Variants in FDX1 observed in about 807,000 individuals in gnomAD.
FDX1 encodes the protein ferredoxin 1.
A neutral mutation model predicts 14.9 loss-of-function variants in FDX1; 9 were observed. That is an observed-to-expected ratio of 0.60 (90% CI 0.36 to 1.05). The LOEUF is 1.05. FDX1 is among the 50% of genes least tolerant of loss of function. FDX1 has a pLI of 0.01. For synonymous variants in FDX1, 92 were observed against 99.4 expected (o/e 0.93, Z 0.44); for missense variants, 204 against 237.2 (o/e 0.86, Z 0.92).
At chr11:110,445,977 C>A (rs1946447518) in intron 2 of FDX1, among the ~76,000 whole-genome samples, 1 of 151,960 alleles carries the variant, frequency 6.6e-6, no homozygotes, top group Non-Finnish European at 1.5e-5. Flanking sequence ...TTTCCGAATA[C>A]CCAAGAAATA....
chr11:110,437,868 A>G (rs1946380953), intron 2 of FDX1, among the ~76,000 whole-genome samples: 3 of 152,288 alleles, frequency 2.0e-5, no homozygotes, highest in East Asian at 1.9e-4. Context: ...TTTAGCTTGC[A>G]CTTATAAGTG....
upstream of FDX1, chr11:110,429,836 G>A: frequency 3.5e-6 from 1 of 284,124 alleles, no homozygotes; most frequent in Non-Finnish European, 6.5e-6. Context: ...CTGGAGGGTT[G>A]GTAAAGGCCC....
At chr11:110,440,080 C>G (rs148546765) in intron 2 of FDX1, among the ~76,000 whole-genome samples, 40 of 152,212 alleles carry the variant, frequency 2.6e-4, no homozygotes, top group Non-Finnish European at 4.7e-4. Context: ...TGATAATAGT[C>G]TCTAGGATCT....
chr11:110,454,961 A>G (rs1383585711), intron 2 of FDX1, among the ~76,000 whole-genome samples: 1 of 152,188 alleles, frequency 6.6e-6, no homozygotes, highest in Non-Finnish European at 1.5e-5. Flanking sequence ...ATTGGATTTA[A>G]TAAAAATGAA....
At position 110,464,643 on chromosome 11, in the gene FDX1, A is replaced by G. The variant is rs947377424; in HGVS notation, c.*2175A>G. ...GGGACATTCAAACCATAGCAGTGCT[A>G]TAATTTTAAAGTACTTCAAAGCCAA... On this transcript the variant is annotated 3_prime_UTR_variant, in exon 4 of 4. Coordinates refer to ENST00000260270, the MANE Select transcript of FDX1 (RefSeq NM_004109.5). The G allele has an allele frequency of 6.6e-6, 1 of 152,214 alleles. No homozygotes were observed. The highest frequency in any genetic ancestry group is 1.5e-5 in the Non-Finnish European group (1 of 68,032). The allele number at this position is 152,214 out of a possible 1,614,324, so 9.4% of individuals were successfully genotyped here.
In FDX1 at chr11:110,464,065, A is replaced by C. The variant is rs1946577360; in HGVS notation, c.*1597A>C. ...GTAGCTGGTACTACAGGCACGGACCACCACGCCTGGCTAATTTTTGTATTT... is the reference window on the plus strand; with the variant it reads ...GTAGCTGGTACTACAGGCACGGACCCCCACGCCTGGCTAATTTTTGTATTT... On this transcript the variant is annotated 3_prime_UTR_variant, in exon 4 of 4. Coordinates refer to ENST00000260270, the MANE Select transcript of FDX1 (RefSeq NM_004109.5). 1 of 151,988 alleles carries C rather than the reference A, an allele frequency of 6.6e-6. No individual in the cohort carries two copies. The highest frequency in any genetic ancestry group is 2.4e-5 in the African/African-American group (1 of 41,342). The allele number at this position is 151,988 out of a possible 1,614,324, so 9.4% of individuals were successfully genotyped here. A position where few individuals can be genotyped will look rare whatever the true frequency, so the allele number is the denominator to read the frequency against.
Position 110,435,961 on chromosome 11 carries a change from G to C in FDX1, c.310+3G>C. 1 of 1,607,090 alleles carries C rather than the reference G, an allele frequency of 6.2e-7. No individual in the cohort carries two copies. The highest frequency in any genetic ancestry group is 8.5e-7 in the Non-Finnish European group (1 of 1,177,744). ...TAATCTAGATATTGATGGCTTTGGT[G>C]AGTATGAAACATTTCTTAAAATGCA... On this transcript the variant is annotated splice_donor_region_variant and intron_variant, in intron 2 of 3. Transcript: ENST00000260270.
At chr11:110,432,732 G>T (rs975355576) in intron 1 of FDX1, among the ~76,000 whole-genome samples, 5 of 152,174 alleles carry the variant, frequency 3.3e-5, no homozygotes, top group African/African-American at 1.2e-4. Flanking sequence ...GCCTCCCAAA[G>T]TATTGGGATT....
rs1195117500 is a variant in FDX1, at chr11:110,430,132, TG to T, written c.17del (p.Gly6AlafsTer33). 7.3e-6 allele frequency: 9 copies of T among 1,239,282 alleles called. No individual in the cohort carries two copies. Among genetic ancestry groups the T allele is most frequent in the South Asian group, 7.0e-5 (2 of 28,644 alleles). The allele number at this position is 1,239,282 out of a possible 1,614,324, so 76.8% of individuals were successfully genotyped here. A position where few individuals can be genotyped will look rare whatever the true frequency, so the allele number is the denominator to read the frequency against. On this transcript the variant is annotated frameshift_variant, in exon 1 of 4. Transcript: ENST00000260270. LOFTEE classifies it high-confidence loss of function. The stretch of plus-strand genomic sequence containing the variant: ...CCCGACCGCGGGCGATGGCTGCCGC[TG>T]GGGGCGCCCGGCTGCTGCGCGCCGC... MAAAGGARLLRAASA... is the reference protein window; with the variant it reads MAAAXGARLLRAASA...
At chr11:110,451,063 T>C (rs1305376019) in intron 2 of FDX1, among the ~76,000 whole-genome samples, 1 of 152,140 alleles carries the variant, frequency 6.6e-6, no homozygotes, top group East Asian at 1.9e-4. Context: ...ATATCCTTTA[T>C]TCTTTTATAG....
At chr11:110,453,558 G>GT (rs796698885) in intron 2 of FDX1, among the ~76,000 whole-genome samples, 4,812 of 142,090 alleles carry the variant, frequency 0.034, 254 homozygotes, top group African/African-American at 0.11. Context: ...ATTTTTGCAG[G>GT]TTTTTTTTTT....
chr11:110,456,015 C>T (rs1451400317), intron 2 of FDX1, among the ~76,000 whole-genome samples: 1 of 152,162 alleles, frequency 6.6e-6, no homozygotes, highest in African/African-American at 2.4e-5. Flanking sequence ...TTAGTTCTCT[C>T]ATCACAGTGT....
chr11:110,452,893 A>G (rs1398691259), intron 2 of FDX1, among the ~76,000 whole-genome samples: 1 of 152,242 alleles, frequency 6.6e-6, no homozygotes, highest in Non-Finnish European at 1.5e-5. Context: ...CCACAGTGAT[A>G]GAGAACAGAT....
At chr11:110,444,607 C>T (rs1946425826) in intron 2 of FDX1, among the ~76,000 whole-genome samples, 1 of 141,118 alleles carries the variant, frequency 7.1e-6, no homozygotes, top group East Asian at 2.1e-4. Context: ...CTGAGCAAGA[C>T]TGTCTCAAAA....
At position 110,438,625 on chromosome 11, in the gene FDX1, A is replaced by G. The variant is rs137893561; in HGVS notation, c.310+2667A>G. 1.7e-3 allele frequency among the ~76,000 whole-genome samples: 258 copies of G among 151,990 alleles called. 1 individual carries two copies. The highest frequency in any genetic ancestry group is 5.9e-3 in the African/African-American group (244 of 41,478). Reference sequence around the variant, plus strand: ...ATTTTTAGTAGTTTTATATTTTTATAATTTTATGATTATTTTCAAATTTTA... The same window carrying G: ...ATTTTTAGTAGTTTTATATTTTTATGATTTTATGATTATTTTCAAATTTTA... On this transcript the variant is annotated intron_variant, in intron 2 of 3. Coordinates refer to ENST00000260270, the MANE Select transcript of FDX1 (RefSeq NM_004109.5).
At chr11:110,429,439 T>A (rs2134561638), upstream of FDX1, among the ~76,000 whole-genome samples, 1 of 152,334 alleles carries the variant, frequency 6.6e-6, no homozygotes, top group South Asian at 2.1e-4. Flanking sequence ...TTCAGTCTCG[T>A]GGGTTTCATG....
intron 2 of FDX1, among the ~76,000 whole-genome samples, chr11:110,453,447 A>C (rs1946499407): frequency 6.6e-6 from 1 of 151,152 alleles, no homozygotes; most frequent in South Asian, 2.1e-4. Flanking sequence ...ATTTTATGAG[A>C]TAAAGAAAAC....
intron 2 of FDX1, among the ~76,000 whole-genome samples, chr11:110,455,900 G>A (rs1946518787): frequency 1.3e-5 from 2 of 152,194 alleles, no homozygotes; most frequent in South Asian, 4.1e-4. Context: ...GACTTATGTG[G>A]TGTCGGTTTC....
intron 2 of FDX1, among the ~76,000 whole-genome samples, chr11:110,444,098 G>A (rs1253372137): frequency 6.6e-6 from 1 of 151,894 alleles, no homozygotes; most frequent in East Asian, 1.9e-4. Flanking sequence ...TGCTTTTGTT[G>A]CAATTGCTTT....
Sources: gnomAD v4.1 joint callset for allele counts (sites outside exome capture counted in the v4.1 genomes callset) on GRCh38, gnomAD v4.1.1 for gene constraint, MANE v1.5 for transcripts, NCBI Gene and HGNC (gene_info 2026-07-23, HGNC 2026-07-21) for gene names.